The following LPP variants were observed in gnomAD, a reference collection of about 807,000 sequenced individuals.
LPP encodes lipoma-preferred partner.
LPP carries 38 observed loss-of-function variants against 60.4 expected under a neutral mutation model. The ratio of observed to expected loss-of-function variants is 0.63; its 90% CI spans 0.49 to 0.83. The LOEUF (loss-of-function observed/expected upper bound fraction) is 0.83, where lower values mean the gene tolerates loss of function less well. Among genes scored for constraint, LPP ranks in the 40% least tolerant of loss-of-function variants. The probability of loss-of-function intolerance (pLI) is 0.00; values close to 1 mark genes in which losing one functional copy is unlikely to be tolerated. For missense variants in LPP, 902 were observed against 783.6 expected, an observed-to-expected ratio of 1.15 and a Z score of -1.80; for synonymous variants, 328 against 290.8, an observed-to-expected ratio of 1.13 and a Z score of -1.30.
At chr3:188,521,219 C>T (rs973791602) in intron 5 of LPP, among the ~76,000 whole-genome samples, 5 of 152,108 alleles carry the variant, frequency 3.3e-5, no homozygotes, top group Admixed American at 2.6e-4. Flanking sequence ...AGTTTTTGTG[C>T]AAAATCACAC....
chr3:188,599,686 A>G (rs1840675307), intron 6 of LPP, among the ~76,000 whole-genome samples: 1 of 151,782 alleles, frequency 6.6e-6, no homozygotes, highest in South Asian at 2.1e-4. Context: ...GTGCTGATAC[A>G]TTTCAAAGAA....
intron 6 of LPP, among the ~76,000 whole-genome samples, chr3:188,529,820 G>A (rs1290047598): frequency 1.3e-5 from 2 of 152,202 alleles, no homozygotes; most frequent in African/African-American, 2.4e-5. Flanking sequence ...TAATCTTACA[G>A]AAGAGATAAG....
Position 188,609,898 on chromosome 3 carries a change from G to A in LPP, c.1113+54G>A, listed in dbSNP as rs1843326757. 2 of 1,517,202 alleles carry A rather than the reference G, an allele frequency of 1.3e-6. 1 individual carries two copies. Among genetic ancestry groups the A allele is most frequent in the Non-Finnish European group, 1.8e-6 (2 of 1,128,748 alleles). The allele number at this position is 1,517,202 out of a possible 1,614,324, so 94.0% of individuals were successfully genotyped here. On this transcript the variant is annotated intron_variant, in intron 7 of 11. Coordinates refer to ENST00000617246, the MANE Select transcript of LPP (RefSeq NM_001375462.1). This position sits in a 1 kb window ranked among gnomAD's most constrained non-coding sequence, Gnocchi z 6.9. ...AATACAGGGGTGCCTATCTTAGTCT[G>A]CCTTCCCCAGGAAGCGAAGCCTAAG...
At chr3:188,822,561 G>T (rs1364802598) in intron 9 of LPP, among the ~76,000 whole-genome samples, 1 of 152,214 alleles carries the variant, frequency 6.6e-6, no homozygotes, top group Non-Finnish European at 1.5e-5. Flanking sequence ...GTGGTGGAAA[G>T]AATGTCCTGG....
chr3:188,826,775 C>CA (rs1755646482), intron 9 of LPP, among the ~76,000 whole-genome samples: 1 of 151,782 alleles, frequency 6.6e-6, no homozygotes, highest in South Asian at 2.1e-4. Context: ...ATCTCTGGAC[C>CA]CCCCCCACTC....
intron 8 of LPP, among the ~76,000 whole-genome samples, chr3:188,717,658 A>G (rs938332293): frequency 5.3e-5 from 8 of 152,154 alleles, no homozygotes; most frequent in South Asian, 2.1e-4. Flanking sequence ...TCTCTAGTTA[A>G]TGAGGCATAT....
chr3:188,330,315 G>A (rs190978120), intron 2 of LPP, among the ~76,000 whole-genome samples: 265 of 152,322 alleles, frequency 1.7e-3, no homozygotes, highest in Middle Eastern at 6.8e-3. Flanking sequence ...ACATATGTGA[G>A]TAAATCTGAT....
At chr3:188,589,937 T>A (rs1234825910) in intron 6 of LPP, among the ~76,000 whole-genome samples, 1 of 152,242 alleles carries the variant, frequency 6.6e-6, no homozygotes, top group Admixed American at 6.5e-5. Context: ...TGTTTTCCCC[T>A]TTTGCTCTGT....
At position 188,214,433 on chromosome 3, in the gene LPP, G is replaced by A. The variant is rs58514826; in HGVS notation, c.-189-10972G>A. On this transcript the variant is annotated intron_variant, in intron 1 of 11. Coordinates refer to ENST00000617246, the MANE Select transcript of LPP (RefSeq NM_001375462.1). Reference sequence around the variant, plus strand: ...GGCATGAGCTGCTGCACCTGGCCTCGGATCAACTTGAGGGCCTTATTTTCC... The same window carrying A: ...GGCATGAGCTGCTGCACCTGGCCTCAGATCAACTTGAGGGCCTTATTTTCC... 2.8e-3 allele frequency among the ~76,000 whole-genome samples: 430 copies of A among 152,228 alleles called. 5 individuals are homozygous for A. Among genetic ancestry groups the A allele is most frequent in the African/African-American group, 9.4e-3 (389 of 41,528 alleles).
At chr3:188,871,928 T>C (rs1394186499) in intron 10 of LPP, among the ~76,000 whole-genome samples, 1 of 152,198 alleles carries the variant, frequency 6.6e-6, no homozygotes, top group Non-Finnish European at 1.5e-5. Context: ...TATGTATATG[T>C]ATGTGTATGT....
At chr3:188,862,475 A>T (rs1765399513) in intron 9 of LPP, among the ~76,000 whole-genome samples, 1 of 152,114 alleles carries the variant, frequency 6.6e-6, no homozygotes, top group Non-Finnish European at 1.5e-5. Context: ...AAGAATGAGT[A>T]GGCATTCTCT....
intron 4 of LPP, among the ~76,000 whole-genome samples, chr3:188,407,780 GTTTGTTTGTTTTTTTT>G (rs1783933630): frequency 2.1e-5 from 2 of 94,898 alleles, no homozygotes; most frequent in African/African-American, 4.2e-5. Context: ...TTTTTTTTTT[GTTTGTTTGTTTTTTTT>G]TTTTTTTTTT....
At chr3:188,819,546 A>G (rs1753405656) in intron 9 of LPP, among the ~76,000 whole-genome samples, 1 of 152,228 alleles carries the variant, frequency 6.6e-6, no homozygotes, top group African/African-American at 2.4e-5. Context: ...TAATAGAATC[A>G]TAAAACTGAG....
rs1327866992 is a variant in LPP at position 188,885,721 on chromosome 3, T to G, written c.*11242T>G. 1 of 152,420 alleles carries G rather than the reference T, an allele frequency of 6.6e-6. No homozygotes were observed. The highest frequency in any genetic ancestry group is 1.5e-5 in the Non-Finnish European group (1 of 68,198). The allele number at this position is 152,420 out of a possible 1,614,324, so 9.4% of individuals were successfully genotyped here. On this transcript the variant is annotated 3_prime_UTR_variant, in exon 12 of 12. Coordinates refer to ENST00000617246, the MANE Select transcript of LPP (RefSeq NM_001375462.1). ...TCCCTGAGGAATCTCCACACTGACT[T>G]CCACAATGGTTGAACTAGTTCACAG...
intron 2 of LPP, among the ~76,000 whole-genome samples, chr3:188,337,874 C>T (rs7647214): frequency 0.43 from 65,474 of 151,998 alleles, 15,856 homozygotes; most frequent in East Asian, 0.71. Flanking sequence ...AGCTAGGGGC[C>T]TCTGGTTGGC....
intron 6 of LPP, among the ~76,000 whole-genome samples, chr3:188,528,777 G>A (rs1484001505): frequency 6.6e-6 from 1 of 152,142 alleles, no homozygotes; most frequent in Non-Finnish European, 1.5e-5. Flanking sequence ...TTTGGCTTGT[G>A]CTTGATTTTA....
At position 188,875,236 on chromosome 3, in the gene LPP, T is replaced by A. The variant is rs1450861302; in HGVS notation, c.*757T>A. The A allele has an allele frequency of 4.6e-6, 1 of 218,396 alleles. No homozygotes were observed. Among genetic ancestry groups the A allele is most frequent in the Non-Finnish European group, 9.2e-6 (1 of 108,774 alleles). The allele number at this position is 218,396 out of a possible 1,614,324, so 13.5% of individuals were successfully genotyped here. On this transcript the variant is annotated 3_prime_UTR_variant, in exon 12 of 12. Transcript: ENST00000617246. ...TATGCTAGAAAAGGCATTTTGGGGT[T>A]ATGTTTAAAAAAACATTATTGTCCC... is the stretch of plus-strand genomic sequence containing the variant.
At chr3:188,835,659 T>C (rs940285416) in intron 9 of LPP, among the ~76,000 whole-genome samples, 1 of 151,946 alleles carries the variant, frequency 6.6e-6, no homozygotes, top group Admixed American at 6.6e-5. Flanking sequence ...CAGTGAGATA[T>C]AGGGCAAGAC....
intron 4 of LPP, among the ~76,000 whole-genome samples, chr3:188,443,159 T>C (rs1027134795): frequency 1.3e-5 from 2 of 152,218 alleles, no homozygotes; most frequent in Non-Finnish European, 2.9e-5. Flanking sequence ...TACACAAAGG[T>C]ACACATAATA....
Sources: gnomAD v4.1 joint callset for allele counts (sites outside exome capture counted in the v4.1 genomes callset) on GRCh38, gnomAD v4.1.1 for gene constraint, Gnocchi (gnomAD v3.1) non-coding constraint, MANE v1.5 for transcripts, NCBI Gene and HGNC (gene_info 2026-07-23, HGNC 2026-07-21) for gene names.